Variants in PHTF2 observed in about 807,000 individuals in gnomAD.
The protein encoded by PHTF2 is protein PHTF2.
A neutral mutation model predicts 101.2 loss-of-function variants in PHTF2; 60 were observed. The ratio of observed to expected loss-of-function variants is 0.59; its 90% CI spans 0.48 to 0.73. The LOEUF (loss-of-function observed/expected upper bound fraction) is 0.73. Among genes scored for constraint, PHTF2 ranks in the 30% least tolerant of loss-of-function variants. PHTF2 has a pLI of 0.00. For synonymous variants in PHTF2, 311 were observed against 307.3 expected, an observed-to-expected ratio of 1.01 and a Z score of -0.13; for missense variants, 747 against 908.7, an observed-to-expected ratio of 0.82 and a Z score of 2.29.
intron 12 of PHTF2, among the ~76,000 whole-genome samples, chr7:77,930,114 C>T (rs1210370771): frequency 6.6e-6 from 1 of 151,952 alleles, no homozygotes; most frequent in Non-Finnish European, 1.5e-5. Context: ...CCACCACACC[C>T]GGCTAATTTT....
chr7:77,907,645 A>G (rs541232350), intron 7 of PHTF2, among the ~76,000 whole-genome samples: 77 of 152,308 alleles, frequency 5.1e-4, no homozygotes, highest in Non-Finnish European at 9.6e-4. Flanking sequence ...TGGTCACCCT[A>G]AACACCTAAA....
chr7:77,803,991 A>C (rs974343417), intron 1 of PHTF2, among the ~76,000 whole-genome samples: 2 of 152,192 alleles, frequency 1.3e-5, no homozygotes, highest in African/African-American at 4.8e-5. Flanking sequence ...TAAATGAAGT[A>C]GGATTTCAGT....
At chr7:77,879,673 T>C (rs566093986) in intron 3 of PHTF2, among the ~76,000 whole-genome samples, 21 of 152,268 alleles carry the variant, frequency 1.4e-4, no homozygotes, top group African/African-American at 4.6e-4. Flanking sequence ...ATAATTGACA[T>C]AGTCAATTAT....
chr7:77,836,855 TA>T (rs1365385510), intron 1 of PHTF2, among the ~76,000 whole-genome samples: 2 of 151,256 alleles, frequency 1.3e-5, no homozygotes, highest in African/African-American at 4.9e-5. Context: ...TTAGGAGAAA[TA>T]CCTAATGTAG....
At chr7:77,867,387 G>A (rs1012301167) in intron 3 of PHTF2, among the ~76,000 whole-genome samples, 1 of 152,166 alleles carries the variant, frequency 6.6e-6, no homozygotes, top group Non-Finnish European at 1.5e-5. Context: ...CAGGTTGTCT[G>A]TGTTTGAATT....
intron 18 of PHTF2, among the ~76,000 whole-genome samples, chr7:77,952,583 G>A (rs1806644981): frequency 6.6e-6 from 1 of 152,146 alleles, no homozygotes; most frequent in Non-Finnish European, 1.5e-5. Context: ...TGACCAAAAT[G>A]CTCAATGGGA....
intron 3 of PHTF2, among the ~76,000 whole-genome samples, chr7:77,877,802 A>G (rs1045990462): frequency 6.6e-6 from 1 of 152,074 alleles, no homozygotes; most frequent in Non-Finnish European, 1.5e-5. Context: ...ATTTCTGGAA[A>G]CTTCTCTCTT....
intron 1 of PHTF2, among the ~76,000 whole-genome samples, chr7:77,801,606 C>CA (rs1411712818): frequency 2.6e-5 from 4 of 151,944 alleles, no homozygotes; most frequent in South Asian, 2.1e-4. Flanking sequence ...CAAAACAAAA[C>CA]AAAAAAACAG....
At chr7:77,880,660 C>G (rs759897383) in intron 3 of PHTF2, among the ~76,000 whole-genome samples, 2 of 152,186 alleles carry the variant, frequency 1.3e-5, no homozygotes, top group Admixed American at 6.5e-5. Context: ...CCATGCCTGG[C>G]TACACACGTG....
intron 3 of PHTF2, among the ~76,000 whole-genome samples, chr7:77,857,960 G>A (rs879537216): frequency 1.1e-4 from 17 of 152,092 alleles, no homozygotes; most frequent in Admixed American, 8.5e-4. Context: ...AAAATTTCTT[G>A]TAAATGAAAA....
At chr7:77,831,068 C>T (rs1280624017) in intron 1 of PHTF2, among the ~76,000 whole-genome samples, 1 of 152,222 alleles carries the variant, frequency 6.6e-6, no homozygotes, top group Non-Finnish European at 1.5e-5. Flanking sequence ...AAGAGTCCCA[C>T]TTAAATTATG....
At chr7:77,908,001 C>A (rs1802026887) in intron 7 of PHTF2, 2 of 152,068 alleles carry the variant, frequency 1.3e-5, no homozygotes, top group African/African-American at 4.8e-5. Context: ...CTAGCAATTT[C>A]ATTTTTTCAT....
chr7:77,931,315 C>T (rs925883976), intron 12 of PHTF2, among the ~76,000 whole-genome samples: 8 of 152,182 alleles, frequency 5.3e-5, no homozygotes, highest in African/African-American at 1.2e-4. Context: ...AGATGAGCCA[C>T]AGGCTGGGAG....
chr7:77,842,286 C>G (rs1415434736), intron 2 of PHTF2, among the ~76,000 whole-genome samples: 8 of 152,166 alleles, frequency 5.3e-5, no homozygotes, highest in Non-Finnish European at 1.2e-4. Context: ...TCACCGCAGC[C>G]TTGACCTCCT....
At chr7:77,811,320 A>C (rs1793424120) in intron 1 of PHTF2, among the ~76,000 whole-genome samples, 1 of 152,180 alleles carries the variant, frequency 6.6e-6, no homozygotes, top group Non-Finnish European at 1.5e-5. Context: ...AACTTTTATA[A>C]TTTAGTTAAG....
At chr7:77,848,213 G>T (rs1355725012) in intron 2 of PHTF2, among the ~76,000 whole-genome samples, 3 of 152,010 alleles carry the variant, frequency 2.0e-5, no homozygotes, top group African/African-American at 7.2e-5. Flanking sequence ...CCTATTTTGG[G>T]GTATATACCT....
intron 2 of PHTF2, among the ~76,000 whole-genome samples, chr7:77,841,621 T>C (rs1409972833): frequency 1.3e-5 from 2 of 152,166 alleles, no homozygotes; most frequent in African/African-American, 4.8e-5. Context: ...TGGTCTGTTT[T>C]TAGATGTGTT....
intron 17 of PHTF2, among the ~76,000 whole-genome samples, chr7:77,951,124 A>G (rs555137498): frequency 1.2e-3 from 178 of 152,278 alleles, no homozygotes; most frequent in Middle Eastern, 0.01. Context: ...AAAATACACA[A>G]ATATTTTTGA....
chr7:77,888,150 T>C lies in PHTF2; in HGVS notation c.148-5458T>C, dbSNP rs144552871. Reference sequence around the variant, plus strand: ...TTTTTTTTGAGACGGAGTTTCACTCTTGTAGCCCAGGCTGGAGTGCAATGG... The same window carrying C: ...TTTTTTTTGAGACGGAGTTTCACTCCTGTAGCCCAGGCTGGAGTGCAATGG... On this transcript the variant is annotated intron_variant, in intron 3 of 19. Coordinates refer to ENST00000416283, the Ensembl canonical transcript of PHTF2. Among the ~76,000 whole-genome samples the C allele has an allele frequency of 6.6e-4, 100 of 152,330 alleles. 2 individuals are homozygous for C. The East Asian group carries it at 0.019, about 29-fold the overall frequency.
Sources: gnomAD v4.1 joint callset for allele counts (sites outside exome capture counted in the v4.1 genomes callset) on GRCh38, gnomAD v4.1.1 for gene constraint, MANE v1.5 for transcripts, NCBI Gene and HGNC (gene_info 2026-07-23, HGNC 2026-07-21) for gene names.